Variants in RARB observed in about 807,000 individuals in gnomAD.
RARB encodes the protein HBV-activated protein.
A neutral mutation model predicts 51.9 loss-of-function variants in RARB; 17 were observed. The observed-to-expected ratio is 0.33, with a 90% confidence interval of 0.22 to 0.49. The LOEUF is 0.49. Ranked by LOEUF, RARB falls within the 20% of genes least tolerant of loss-of-function variation. The pLI is 0.99. For synonymous variants in RARB, 215 were observed against 195.4 expected, an observed-to-expected ratio of 1.10 and a Z score of -0.84; for missense variants, 369 against 550.8, an observed-to-expected ratio of 0.67 and a Z score of 3.30.
intron 5 of RARB, among the ~76,000 whole-genome samples, chr3:25,417,902 C>G (rs7634488): frequency 0.65 from 98,978 of 152,112 alleles, 33,032 homozygotes; most frequent in East Asian, 0.82. Flanking sequence ...CAGGCTGGCA[C>G]GACAGCCAGT....
intron 5 of RARB, among the ~76,000 whole-genome samples, chr3:25,377,957 A>T (rs1162712790): frequency 6.6e-6 from 1 of 152,116 alleles, no homozygotes; most frequent in Non-Finnish European, 1.5e-5. Flanking sequence ...TTCTAGTCAA[A>T]ATTTTTTAAA....
intron 5 of RARB, among the ~76,000 whole-genome samples, chr3:25,282,916 T>C (rs1703560113): frequency 6.6e-6 from 1 of 152,188 alleles, no homozygotes; most frequent in Non-Finnish European, 1.5e-5. Flanking sequence ...GTTTATATTT[T>C]CAACTCCTCC....
At chr3:25,494,182 G>T (rs1337127946) in intron 2 of RARB, among the ~76,000 whole-genome samples, 1 of 149,194 alleles carries the variant, frequency 6.7e-6, no homozygotes, top group Non-Finnish European at 1.5e-5. Flanking sequence ...TGTCTCTCTA[G>T]TAAACACTTT....
At chr3:25,339,951 G>A (rs966406980) in intron 5 of RARB, among the ~76,000 whole-genome samples, 41 of 152,106 alleles carry the variant, frequency 2.7e-4, no homozygotes, top group African/African-American at 8.9e-4. Flanking sequence ...TAAGTAAGAG[G>A]CCTACTGTGG....
At chr3:24,830,728 A>C (rs1702268906) in intron 1 of RARB, among the ~76,000 whole-genome samples, 1 of 151,768 alleles carries the variant, frequency 6.6e-6, no homozygotes, top group African/African-American at 2.4e-5. Context: ...CCTGCCAGTT[A>C]TGGAGGGACC....
At chr3:25,372,730 G>T (rs963505304) in intron 5 of RARB, among the ~76,000 whole-genome samples, 1 of 152,204 alleles carries the variant, frequency 6.6e-6, no homozygotes, top group Non-Finnish European at 1.5e-5. Context: ...GGAGGCCAAG[G>T]TGGGAGAATC....
At chr3:25,171,979 CAGAG>C (rs1453032548) in intron 4 of RARB, among the ~76,000 whole-genome samples, 1 of 152,116 alleles carries the variant, frequency 6.6e-6, no homozygotes, top group African/African-American at 2.4e-5. Context: ...TTCTTTTCAT[CAGAG>C]AAACAAGTTG....
intron 5 of RARB, among the ~76,000 whole-genome samples, chr3:25,348,388 G>C (rs1705460522): frequency 1.6e-5 from 2 of 126,988 alleles, no homozygotes; most frequent in African/African-American, 6.1e-5. Flanking sequence ...GTGGTGGTGT[G>C]ATTCGGAAGA....
chr3:25,072,982 G>A (rs2125309309), intron 3 of RARB, among the ~76,000 whole-genome samples: 1 of 152,212 alleles, frequency 6.6e-6, no homozygotes, highest in South Asian at 2.1e-4. Context: ...ACAGGTGTGA[G>A]CCACCGCGCC....
At chr3:24,998,966 C>T (rs1484088841) in intron 2 of RARB, among the ~76,000 whole-genome samples, 1 of 151,936 alleles carries the variant, frequency 6.6e-6, no homozygotes, top group Non-Finnish European at 1.5e-5. Context: ...TTATCCTTAC[C>T]CTAAAAATGA....
intron 5 of RARB, among the ~76,000 whole-genome samples, chr3:25,349,952 C>T (rs757109536): frequency 1.3e-5 from 2 of 151,968 alleles, no homozygotes; most frequent in African/African-American, 2.4e-5. Flanking sequence ...CAAGTTGGTA[C>T]TGGAGCTGTT....
intron 3 of RARB, among the ~76,000 whole-genome samples, chr3:25,096,848 T>A (rs1699301687): frequency 6.6e-6 from 1 of 152,134 alleles, no homozygotes; most frequent in South Asian, 2.1e-4. Flanking sequence ...AATAAGAAAG[T>A]GGCTAGCAAC....
rs541998528 is a variant in RARB at position 25,058,598 on chromosome 3, T to A, written c.-379-1527T>A. Among the ~76,000 whole-genome samples the A allele has an allele frequency of 1.5e-4, 23 of 151,900 alleles. No individual in the cohort carries two copies. In the South Asian group the frequency reaches 4.8e-3, roughly 32 times the overall value. On this transcript the variant is annotated intron_variant, in intron 2 of 11. Transcript: ENST00000383772. ...CTTATTAAAATAAAATCTTTGAAAT[T>A]AAAAAAATCCAGTGTCCTAAGACAC... is the stretch of plus-strand genomic sequence containing the variant.
chr3:25,453,243 C>CTTTTTTTTTTTT (rs758275411), intron 1 of RARB, among the ~76,000 whole-genome samples: 1 of 81,988 alleles, frequency 1.2e-5, no homozygotes, highest in African/African-American at 5.5e-5. Flanking sequence ...CAAGATTCTG[C>CTTTTTTTTTTTT]TTTTTTTTTT....
chr3:25,300,259 C>T (rs981136771), intron 5 of RARB, among the ~76,000 whole-genome samples: 4 of 152,206 alleles, frequency 2.6e-5, no homozygotes, highest in Admixed American at 6.5e-5. Context: ...TGATGCATAA[C>T]TCCTCAATGT....
intron 2 of RARB, among the ~76,000 whole-genome samples, chr3:24,992,377 C>T (rs574022383): frequency 2.0e-5 from 3 of 152,050 alleles, no homozygotes; most frequent in African/African-American, 4.8e-5. Flanking sequence ...TTTCATCTTT[C>T]TGTCCTCTTA....
At chr3:25,536,866 G>A (rs1013347422) in intron 3 of RARB, among the ~76,000 whole-genome samples, 12 of 152,178 alleles carry the variant, frequency 7.9e-5, no homozygotes, top group Non-Finnish European at 1.3e-4. Flanking sequence ...GAAGCCCTAG[G>A]AAAAGAAAGT....
chr3:25,593,461 C>T, intron 5 of RARB, 42 bp from the exon 6 acceptor site: 2 of 1,535,426 alleles, frequency 1.3e-6, no homozygotes, highest in South Asian at 1.1e-5. Flanking sequence ...GATTTCAGGA[C>T]AGGATGGCTT....
rs550158149 is a variant in RARB, at chr3:25,235,849, G to T, written c.178+61274G>T. Among the ~76,000 whole-genome samples the T allele has an allele frequency of 2.0e-5, 3 of 152,208 alleles. No individual in the cohort carries two copies. In the South Asian group the frequency reaches 6.2e-4, roughly 32 times the overall value. ...TGTCATAATTTTCCCCATAGTATTT[G>T]TATCTGTGAATAAACAGTGCCACAT... On this transcript the variant is annotated intron_variant, in intron 5 of 11. Coordinates refer to the RARB transcript ENST00000383772.
Sources: allele counts gnomAD v4.1 joint callset (sites outside exome capture counted in the v4.1 genomes callset), GRCh38; gene constraint gnomAD v4.1.1; transcripts MANE v1.5; gene names NCBI Gene and HGNC (gene_info 2026-07-23, HGNC 2026-07-21).